ST6GALNAC3: variants seen among roughly 807,000 people sequenced by gnomAD.
ST6GALNAC3 encodes ST6 N-acetylgalactosaminide alpha-2,6-sialyltransferase 3.
ST6GALNAC3 carries 25 observed loss-of-function variants against 32.7 expected under a neutral mutation model. That is an observed-to-expected ratio of 0.76 (90% CI 0.56 to 1.07). ST6GALNAC3 has a LOEUF of 1.07. Among genes scored for constraint, ST6GALNAC3 ranks in the 50% least tolerant of loss-of-function variants. ST6GALNAC3 has a pLI of 0.00. For missense variants in ST6GALNAC3, 355 were observed against 382.4 expected, an observed-to-expected ratio of 0.93 and a Z score of 0.60; for synonymous variants, 129 against 133.1, an observed-to-expected ratio of 0.97 and a Z score of 0.21.
chr1:76,142,926 T>A (rs1347400804), intron 1 of ST6GALNAC3: 3 of 441,052 alleles, frequency 6.8e-6, no homozygotes, highest in Non-Finnish European at 1.4e-5. Flanking sequence ...ACACCGTATC[T>A]TTTATGTCTT....
chr1:76,359,320 T>C (rs992885316), intron 2 of ST6GALNAC3, among the ~76,000 whole-genome samples: 1 of 152,180 alleles, frequency 6.6e-6, no homozygotes, highest in African/African-American at 2.4e-5. Flanking sequence ...TTATTGCAGA[T>C]GTAAGATGTA....
intron 1 of ST6GALNAC3, among the ~76,000 whole-genome samples, chr1:76,181,112 C>A (rs432956): frequency 6.6e-6 from 1 of 152,132 alleles, no homozygotes; most frequent in Admixed American, 6.5e-5. Context: ...TGCACCTGTC[C>A]GTCTGCATGC....
intron 2 of ST6GALNAC3, among the ~76,000 whole-genome samples, chr1:76,389,004 TA>T (rs1652314524): frequency 1.7e-5 from 2 of 118,996 alleles, no homozygotes; most frequent in African/African-American, 3.2e-5. Context: ...TGTTAGTTGG[TA>T]TATTTCCTTT....
intron 1 of ST6GALNAC3, among the ~76,000 whole-genome samples, chr1:76,282,866 T>TAA (rs35306096): frequency 0.043 from 5,944 of 139,314 alleles, 433 homozygotes; most frequent in African/African-American, 0.15. Context: ...CCATCTCTAC[T>TAA]AAAAAAAAAA....
intron 1 of ST6GALNAC3, among the ~76,000 whole-genome samples, chr1:76,089,056 T>A (rs1201897703): frequency 6.6e-6 from 1 of 151,818 alleles, no homozygotes; most frequent in Non-Finnish European, 1.5e-5. Context: ...TGAGGTGGAG[T>A]CTCGCTCTGT....
intron 3 of ST6GALNAC3, among the ~76,000 whole-genome samples, chr1:76,571,249 A>G (rs1346454494): frequency 6.6e-6 from 1 of 152,090 alleles, no homozygotes; most frequent in Admixed American, 6.6e-5. Flanking sequence ...TTCTTCTGGT[A>G]TGGCTTCCTG....
intron 2 of ST6GALNAC3, among the ~76,000 whole-genome samples, chr1:76,355,843 G>T (rs1440673847): frequency 2.6e-5 from 4 of 152,088 alleles, no homozygotes; most frequent in African/African-American, 9.7e-5. Flanking sequence ...CAAAGTCAGA[G>T]TTTCTTTTTT....
intron 3 of ST6GALNAC3, among the ~76,000 whole-genome samples, chr1:76,528,198 A>T (rs761371840): frequency 6.6e-6 from 1 of 152,146 alleles, no homozygotes; most frequent in Non-Finnish European, 1.5e-5. Context: ...AGTTAATGGT[A>T]TTTACTTCTG....
intron 3 of ST6GALNAC3, among the ~76,000 whole-genome samples, chr1:76,535,985 A>G (rs1663572599): frequency 6.6e-6 from 1 of 152,184 alleles, no homozygotes; most frequent in South Asian, 2.1e-4. Context: ...AGAAATCTTA[A>G]TCAAACATCA....
At chr1:76,469,890 G>A (rs1658901769) in intron 3 of ST6GALNAC3, among the ~76,000 whole-genome samples, 1 of 152,030 alleles carries the variant, frequency 6.6e-6, no homozygotes, top group Non-Finnish European at 1.5e-5. Flanking sequence ...TCTAGTATTT[G>A]CCCAGGGGTT....
chr1:76,337,186 A>T (rs1469741408), intron 2 of ST6GALNAC3, among the ~76,000 whole-genome samples: 1 of 152,050 alleles, frequency 6.6e-6, no homozygotes. Flanking sequence ...AGCAGGGCTA[A>T]CCCCCGCCCC....
At chr1:76,100,763 G>A (rs1211671697) in intron 1 of ST6GALNAC3, among the ~76,000 whole-genome samples, 1 of 150,174 alleles carries the variant, frequency 6.7e-6, no homozygotes, top group Non-Finnish European at 1.5e-5. Flanking sequence ...TTTCTTTAAA[G>A]TTCTGGTAGA....
At chr1:76,112,711 G>C (rs1378369548) in intron 1 of ST6GALNAC3, among the ~76,000 whole-genome samples, 5 of 151,390 alleles carry the variant, frequency 3.3e-5, no homozygotes, top group Non-Finnish European at 4.4e-5. Context: ...CGGGGCGGCC[G>C]GGCAGAGACG....
At chr1:76,452,739 C>CT (rs1252980584) in intron 3 of ST6GALNAC3, among the ~76,000 whole-genome samples, 5 of 151,712 alleles carry the variant, frequency 3.3e-5, no homozygotes, top group East Asian at 1.9e-4. Context: ...CTGTGGTTTT[C>CT]TTTTTTTTGT....
At chr1:76,158,064 G>A (rs1170333438) in intron 1 of ST6GALNAC3, among the ~76,000 whole-genome samples, 1 of 152,154 alleles carries the variant, frequency 6.6e-6, no homozygotes, top group African/African-American at 2.4e-5. Flanking sequence ...AATGGGTCCA[G>A]GAAGCCATCT....
At chr1:76,562,887 C>G (rs1665329035) in intron 3 of ST6GALNAC3, among the ~76,000 whole-genome samples, 1 of 152,100 alleles carries the variant, frequency 6.6e-6, no homozygotes, top group Non-Finnish European at 1.5e-5. Context: ...ACCAAGCCCT[C>G]ATGTGGTGTC....
chr1:76,375,584 A>G (rs1651158105), intron 2 of ST6GALNAC3, among the ~76,000 whole-genome samples: 1 of 152,184 alleles, frequency 6.6e-6, no homozygotes, highest in African/African-American at 2.4e-5. Context: ...TGAAGTGACT[A>G]GAAGCCCAGG....
At chr1:76,307,998 C>T (rs1244989849) in intron 1 of ST6GALNAC3, 4 of 435,912 alleles carry the variant, frequency 9.2e-6, no homozygotes, top group Non-Finnish European at 1.9e-5. Context: ...GGATTAAATT[C>T]TAAATGTCTC....
At chr1:76,160,760 A>G (rs756549399) in intron 1 of ST6GALNAC3, among the ~76,000 whole-genome samples, 1 of 152,208 alleles carries the variant, frequency 6.6e-6, no homozygotes, top group Non-Finnish European at 1.5e-5. Flanking sequence ...GACAAAGTTG[A>G]TTTGGATTCT....
Sources: allele counts gnomAD v4.1 joint callset (sites outside exome capture counted in the v4.1 genomes callset), GRCh38; gene constraint gnomAD v4.1.1; transcripts MANE v1.5; gene names NCBI Gene and HGNC (gene_info 2026-07-23, HGNC 2026-07-21).